Variants in LRP11 observed in about 807,000 individuals in gnomAD.
LRP11 encodes the protein low-density lipoprotein receptor-related protein 11.
A neutral mutation model predicts 43.1 loss-of-function variants in LRP11; 25 were observed. The observed-to-expected ratio is 0.58, with a 90% CI of 0.42 to 0.81. The LOEUF (loss-of-function observed/expected upper bound fraction) is 0.81, where lower values mean the gene tolerates loss of function less well. LRP11 is among the 30% of genes least tolerant of loss of function. The probability of loss-of-function intolerance (pLI) is 0.00; values close to 1 mark genes in which losing one functional copy is unlikely to be tolerated. For synonymous variants in LRP11, 316 were observed against 299.4 expected (o/e 1.06, Z -0.57); for missense variants, 623 against 665.1 (o/e 0.94, Z 0.70).
chr6:149,849,088 C>T (rs1368121289), intron 2 of LRP11, among the ~76,000 whole-genome samples: 1 of 152,154 alleles, frequency 6.6e-6, no homozygotes, highest in Non-Finnish European at 1.5e-5. Flanking sequence ...AGAAGCCACC[C>T]AGTCATGGTG....
intron 4 of LRP11, 36 bp downstream of exon 4, chr6:149,837,302 C>T (rs374190139): frequency 9.4e-6 from 15 of 1,602,900 alleles, no homozygotes; most frequent in Non-Finnish European, 9.4e-6. Flanking sequence ...CCATCCCTTC[C>T]AGCCACTGCC....
intron 2 of LRP11, among the ~76,000 whole-genome samples, chr6:149,851,715 G>A (rs1776722025): frequency 6.6e-6 from 1 of 152,214 alleles, no homozygotes; most frequent in African/African-American, 2.4e-5. Context: ...TGGCAGATGA[G>A]CCTTGGAAGG....
At chr6:149,830,249 G>A (rs1022871890) in intron 5 of LRP11, among the ~76,000 whole-genome samples, 2 of 151,978 alleles carry the variant, frequency 1.3e-5, no homozygotes, top group African/African-American at 4.8e-5. Context: ...TACCTCAGGT[G>A]ATCCACCCGC....
At chr6:149,834,315 G>A (rs1482638942) in intron 5 of LRP11, among the ~76,000 whole-genome samples, 1 of 152,168 alleles carries the variant, frequency 6.6e-6, no homozygotes, top group African/African-American at 2.4e-5. Flanking sequence ...TCATTCCTCA[G>A]TGCTGGACAG....
At chr6:149,826,407 CT>C in intron 5 of LRP11, 48 bp from the exon 6 acceptor site, 1 of 1,323,476 alleles carries the variant, frequency 7.6e-7, no homozygotes, top group Non-Finnish European at 1.1e-6. Context: ...GCATCAGAAA[CT>C]TCAGGAAACA....
chr6:149,830,185 A>G (rs1484627642), intron 5 of LRP11, among the ~76,000 whole-genome samples: 1 of 151,632 alleles, frequency 6.6e-6, no homozygotes, highest in African/African-American at 2.4e-5. Flanking sequence ...TAATTTTTGT[A>G]TTATTAGTAG....
chr6:149,834,381 C>G (rs1776445479), intron 5 of LRP11, among the ~76,000 whole-genome samples: 1 of 152,142 alleles, frequency 6.6e-6, no homozygotes. Context: ...CAACTGAGGT[C>G]CAGAGATATG....
chr6:149,837,320 G>A lies in LRP11; in HGVS notation c.1039+18C>T, dbSNP rs1776485988. The A allele has an allele frequency of 6.2e-7, 1 of 1,611,404 alleles. No individual in the cohort carries two copies. The highest frequency in any genetic ancestry group is 8.5e-7 in the Non-Finnish European group (1 of 1,178,816). ...TCCCTTCCAGCCACTGCCTAGCAATGTGACATAGCCAACTCACGATTCTGG... is the reference window on the plus strand; with the variant it reads ...TCCCTTCCAGCCACTGCCTAGCAATATGACATAGCCAACTCACGATTCTGG... On this transcript the variant is annotated intron_variant, in intron 4 of 6. Coordinates refer to ENST00000239367, the MANE Select transcript of LRP11 (RefSeq NM_032832.6).
intron 2 of LRP11, among the ~76,000 whole-genome samples, chr6:149,845,597 G>A (rs765165828): frequency 6.6e-6 from 1 of 152,162 alleles, no homozygotes; most frequent in Non-Finnish European, 1.5e-5. Flanking sequence ...AAAATACTAA[G>A]GGCAGCAGAG....
intron 1 of LRP11, among the ~76,000 whole-genome samples, chr6:149,857,316 G>A (rs1480471440): frequency 1.3e-5 from 2 of 152,074 alleles, no homozygotes; most frequent in Non-Finnish European, 2.9e-5. Flanking sequence ...CAGACTGCTT[G>A]AGCCCAGGAG....
Position 149,863,663 on chromosome 6 carries a change from C to T in LRP11, c.358G>A (p.Ala120Thr). The change falls in exon 1 of 7, where the codon GCG becomes ACG. Residue 120 changes from alanine (A) to threonine (T), a missense_variant. Ala to Thr is a moderately conservative substitution (Grantham distance 58). Coordinates refer to ENST00000239367, the MANE Select transcript of LRP11 (RefSeq NM_032832.6). ...CGCCAGCCCCGCACGGCCGCCGGCG[C>T]CCGCAGGAAGCTGGCACCCGCCGCC... ...SLAAGASFLR[A>T]PAAVRGWRQC... 1 of 1,473,580 alleles carries T rather than the reference C, an allele frequency of 6.8e-7. No homozygotes were observed. The highest frequency in any genetic ancestry group is 8.9e-7 in the Non-Finnish European group (1 of 1,119,120). 91.3% of individuals were successfully genotyped at this position (1,473,580 alleles called of 1,614,324 possible).
chr6:149,861,378 G>A (rs900241658), intron 1 of LRP11, among the ~76,000 whole-genome samples: 5 of 152,106 alleles, frequency 3.3e-5, no homozygotes, highest in African/African-American at 1.2e-4. Context: ...CCAGAAATGA[G>A]GACCAGCACC....
intron 6 of LRP11, among the ~76,000 whole-genome samples, chr6:149,824,281 G>A (rs1295957393): frequency 2.0e-5 from 3 of 152,180 alleles, no homozygotes; most frequent in Non-Finnish European, 4.4e-5. Context: ...AAACAGACGA[G>A]ATCTGGGAAA....
At chr6:149,837,766 C>T (rs1303806667) in intron 3 of LRP11, among the ~76,000 whole-genome samples, 6 of 152,140 alleles carry the variant, frequency 3.9e-5, no homozygotes, top group African/African-American at 9.7e-5. Flanking sequence ...CTTGATTCCC[C>T]GCCTCAGCTG....
chr6:149,846,169 G>A (rs930338243), intron 2 of LRP11, among the ~76,000 whole-genome samples: 17 of 152,340 alleles, frequency 1.1e-4, no homozygotes, highest in African/African-American at 4.1e-4. Context: ...GCAAGACAAA[G>A]ACAGGGCAAG....
At chr6:149,829,489 A>C (rs1776382047) in intron 5 of LRP11, among the ~76,000 whole-genome samples, 1 of 152,044 alleles carries the variant, frequency 6.6e-6, no homozygotes, top group Non-Finnish European at 1.5e-5. Flanking sequence ...TGAATTTGGG[A>C]GGTGGAGGTT....
At chr6:149,825,187 T>C (rs562103310) in intron 6 of LRP11, among the ~76,000 whole-genome samples, 236 of 152,326 alleles carry the variant, frequency 1.5e-3, no homozygotes, top group Admixed American at 2.6e-3. Flanking sequence ...AGCTTATATT[T>C]TGTTCTTCTA....
rs146704581 is a variant in LRP11 at position 149,842,124 on chromosome 6, T to C, written c.913+859A>G. 6.7e-4 allele frequency among the ~76,000 whole-genome samples: 102 copies of C among 152,288 alleles called. 1 individual carries two copies. The highest frequency in any genetic ancestry group is 2.3e-3 in the African/African-American group (97 of 41,556). On this transcript the variant is annotated intron_variant, in intron 3 of 6. Transcript: ENST00000239367. ...GGGTCCTTTGCGTATTTCAATTAAT[T>C]TTAACCGTACTCCTTAGCTGCACTC...
chr6:149,839,067 T>TTTTTG (rs1562440309), intron 3 of LRP11, among the ~76,000 whole-genome samples: 2 of 151,156 alleles, frequency 1.3e-5, no homozygotes, highest in African/African-American at 4.9e-5. Flanking sequence ...TTTTGTTTTT[T>TTTTTG]TTTTTTTTGT....
Sources: allele counts gnomAD v4.1 joint callset (sites outside exome capture counted in the v4.1 genomes callset), GRCh38; gene constraint gnomAD v4.1.1; transcripts MANE v1.5; gene names NCBI Gene and HGNC (gene_info 2026-07-23, HGNC 2026-07-21).